The following LRSAM1 variants were observed in gnomAD, a reference collection of about 807,000 sequenced individuals.
LRSAM1 encodes the protein leucine rich repeat and sterile alpha motif containing 1.
In LRSAM1, 96 loss-of-function variants were observed where a neutral mutation model predicts 118.1. That is an observed-to-expected ratio of 0.81 (90% CI 0.69 to 0.96). The LOEUF (loss-of-function observed/expected upper bound fraction) is 0.96. LRSAM1 is among the 40% of genes least tolerant of loss of function. LRSAM1 has a pLI of 0.00. For synonymous variants in LRSAM1, 322 were observed against 364.2 expected, an observed-to-expected ratio of 0.88 and a Z score of 1.32; for missense variants, 804 against 915.5, an observed-to-expected ratio of 0.88 and a Z score of 1.57.
At chr9:127,489,725 T>C (rs909028814) in intron 19 of LRSAM1, among the ~76,000 whole-genome samples, 3 of 152,190 alleles carry the variant, frequency 2.0e-5, no homozygotes, top group Non-Finnish European at 4.4e-5. Context: ...AGACCTCCTA[T>C]TCCGGGGTCT....
chr9:127,493,549 A>G (rs1018078315), intron 21 of LRSAM1, among the ~76,000 whole-genome samples: 1 of 151,980 alleles, frequency 6.6e-6, no homozygotes, highest in African/African-American at 2.4e-5. Context: ...CCTATTGTTG[A>G]GTATGTGGAT....
chr9:127,472,397 T>G (rs1175678461), intron 10 of LRSAM1, among the ~76,000 whole-genome samples: 2 of 152,092 alleles, frequency 1.3e-5, no homozygotes, highest in Non-Finnish European at 2.9e-5. Flanking sequence ...ATCCCATAAC[T>G]TTGGGAGACC....
chr9:127,488,028 C>T (rs1835795970), intron 18 of LRSAM1, among the ~76,000 whole-genome samples: 1 of 152,054 alleles, frequency 6.6e-6, no homozygotes, highest in Non-Finnish European at 1.5e-5. Flanking sequence ...GTGTAGGAGG[C>T]TCCATTGGAA....
intron 9 of LRSAM1, among the ~76,000 whole-genome samples, chr9:127,464,073 C>T (rs895736382): frequency 2.0e-5 from 3 of 152,232 alleles, no homozygotes; most frequent in African/African-American, 7.2e-5. Context: ...GGCACGCAGT[C>T]TGGCCAGCAT....
chr9:127,454,469 G>A, intron 2 of LRSAM1, 27 bp from the exon 3 acceptor site: 1 of 1,586,120 alleles, frequency 6.3e-7, no homozygotes, highest in Non-Finnish European at 8.6e-7. Flanking sequence ...AAATTCCCCA[G>A]TCCCTAACTT....
chr9:127,480,309 G>A (rs1835491016), intron 14 of LRSAM1, among the ~76,000 whole-genome samples: 1 of 152,186 alleles, frequency 6.6e-6, no homozygotes, highest in Non-Finnish European at 1.5e-5. Context: ...CAGTATTTTG[G>A]GTTCTGCGTA....
In LRSAM1 at chr9:127,465,859, C is replaced by T. The variant is rs1024883697; in HGVS notation, c.529-1881C>T. On this transcript the variant is annotated intron_variant, in intron 9 of 25. Coordinates refer to ENST00000300417, the MANE Select transcript of LRSAM1 (RefSeq NM_001005373.4). This position sits in a 1 kb window ranked among gnomAD's most constrained non-coding sequence, Gnocchi z 4.1. ...AGGGCAGGGTCCAACACAACTCACA[C>T]CGTGGATGGGGCAGTTCTGTGGCTG... 6.6e-6 allele frequency among the ~76,000 whole-genome samples: 1 copy of T among 152,178 alleles called. No individual in the cohort carries two copies. The highest frequency in any genetic ancestry group is 1.5e-5 in the Non-Finnish European group (1 of 68,036).
chr9:127,457,434 G>A (rs1355700701), intron 6 of LRSAM1, 41 bp downstream of exon 6: 1 of 1,593,542 alleles, frequency 6.3e-7, no homozygotes, highest in African/African-American at 1.3e-5. Flanking sequence ...CTCTGCATGG[G>A]GTTCCACGCG....
At chr9:127,466,506 T>TATATATA (rs1331732184) in intron 9 of LRSAM1, among the ~76,000 whole-genome samples, 8 of 35,112 alleles carry the variant, frequency 2.3e-4, no homozygotes, top group Non-Finnish European at 2.9e-4. Flanking sequence ...ATATATATAT[T>TATATATA]TTTTTTTTTT....
intron 3 of LRSAM1, 110 bp downstream of exon 3, chr9:127,454,709 C>T: frequency 8.6e-7 from 1 of 1,158,918 alleles, no homozygotes; most frequent in Non-Finnish European, 1.3e-6. Context: ...TCTGCCTCCC[C>T]CACCCACAGA....
At chr9:127,493,536 G>A (rs888304261) in intron 21 of LRSAM1, among the ~76,000 whole-genome samples, 2 of 152,084 alleles carry the variant, frequency 1.3e-5, no homozygotes, top group Middle Eastern at 3.2e-3. Flanking sequence ...GCTGTCCGTG[G>A]CCCCTATTGT....
At chr9:127,502,296 C>T (rs1836419556) in intron 25 of LRSAM1, among the ~76,000 whole-genome samples, 1 of 152,136 alleles carries the variant, frequency 6.6e-6, no homozygotes. Flanking sequence ...TAACAGAAGG[C>T]CTAGGTTACC....
intron 10 of LRSAM1, among the ~76,000 whole-genome samples, chr9:127,468,737 A>T (rs1234932926): frequency 7.4e-6 from 1 of 135,696 alleles, no homozygotes; most frequent in Non-Finnish European, 1.5e-5. Flanking sequence ...GCACTATGGG[A>T]GGCTGAGGCA....
intron 2 of LRSAM1, among the ~76,000 whole-genome samples, chr9:127,454,232 G>T (rs1300020264): frequency 6.6e-6 from 1 of 151,426 alleles, no homozygotes; most frequent in East Asian, 1.9e-4. Context: ...CTGGAAAGTC[G>T]CAGCCTCTGC....
chr9:127,462,543 A>T (rs975089280), intron 9 of LRSAM1, among the ~76,000 whole-genome samples, 170 bp downstream of exon 9: 3 of 152,276 alleles, frequency 2.0e-5, no homozygotes, highest in Admixed American at 2.0e-4. Flanking sequence ...ATTCGTAATT[A>T]TATGACTTTT....
At position 127,474,967 on chromosome 9, in the gene LRSAM1, T is replaced by A. The variant is rs145703221; in HGVS notation, c.750+1036T>A. Among the ~76,000 whole-genome samples, 1,202 of 152,306 alleles carry A rather than the reference T, an allele frequency of 7.9e-3. 14 individuals are homozygous for A. Among genetic ancestry groups the A allele is most frequent in the South Asian group, 0.052 (250 of 4,818 alleles). The stretch of plus-strand genomic sequence containing the variant: ...CAGCTGCCGGGCATTTGGCTTCATA[T>A]CTTCCACTGACTCTTAATCTCTGGT... On this transcript the variant is annotated intron_variant, in intron 11 of 25. Transcript: ENST00000300417.
At chr9:127,454,887 A>G in intron 3 of LRSAM1, 111 bp from the exon 4 acceptor site, 1 of 1,075,914 alleles carries the variant, frequency 9.3e-7, no homozygotes, top group South Asian at 1.3e-5. Flanking sequence ...GTGGAACCAG[A>G]TAGTGTCTAT....
intron 24 of LRSAM1, among the ~76,000 whole-genome samples, chr9:127,499,514 G>A (rs550151056): frequency 2.2e-4 from 31 of 140,122 alleles, no homozygotes; most frequent in Non-Finnish European, 3.9e-4. Flanking sequence ...CTGGGTGACA[G>A]AGCAAGACCC....
Position 127,503,136 on chromosome 9 carries a change from C to T in LRSAM1, c.*237C>T, listed in dbSNP as rs1003825374. The T allele has an allele frequency of 1.8e-6, 1 of 570,736 alleles. No homozygotes were observed. The highest frequency in any genetic ancestry group is 3.1e-6 in the Non-Finnish European group (1 of 321,218). 35.4% of individuals were successfully genotyped at this position (570,736 alleles called of 1,614,324 possible). A position where few individuals can be genotyped will look rare whatever the true frequency, so the allele number is the denominator to read the frequency against. On this transcript the variant is annotated 3_prime_UTR_variant, in exon 26 of 26. Transcript: ENST00000300417. ...TCCTGGGGGCTGGGGCTGGAGAGGC[C>T]GCTGCACCACCACCCGAGCCTGGGA...
Sources: gnomAD v4.1 joint callset for allele counts (sites outside exome capture counted in the v4.1 genomes callset) on GRCh38, gnomAD v4.1.1 for gene constraint, Gnocchi (gnomAD v3.1) non-coding constraint, MANE v1.5 for transcripts, NCBI Gene and HGNC (gene_info 2026-07-23, HGNC 2026-07-21) for gene names.